LMBR1: variants seen among roughly 807,000 people sequenced by gnomAD.
LMBR1 encodes the protein limb development membrane protein 1.
A neutral mutation model predicts 73.9 loss-of-function variants in LMBR1; 52 were observed. The observed-to-expected ratio is 0.70, with a 90% confidence interval of 0.56 to 0.89. The LOEUF (loss-of-function observed/expected upper bound fraction) is 0.89. Among genes scored for constraint, LMBR1 ranks in the 40% least tolerant of loss-of-function variants. LMBR1 has a pLI of 0.00. For synonymous variants in LMBR1, 215 were observed against 209.4 expected (o/e 1.03, Z -0.23); for missense variants, 539 against 579.8 (o/e 0.93, Z 0.72).
intron 4 of LMBR1, among the ~76,000 whole-genome samples, chr7:156,802,960 G>A (rs895814054): frequency 6.6e-6 from 1 of 152,126 alleles, no homozygotes; most frequent in African/African-American, 2.4e-5. Flanking sequence ...GTAGAAAGCT[G>A]AAACTGGATC....
chr7:156,714,252 T>C (rs1323568272), intron 15 of LMBR1, among the ~76,000 whole-genome samples: 3 of 152,198 alleles, frequency 2.0e-5, no homozygotes, highest in Admixed American at 1.3e-4. Context: ...AGTGACCTGG[T>C]AGATAAACGG....
intron 1 of LMBR1, among the ~76,000 whole-genome samples, chr7:156,843,004 C>T (rs1321544348): frequency 1.3e-5 from 2 of 152,182 alleles, no homozygotes; most frequent in Admixed American, 6.5e-5. Flanking sequence ...TCAAACTTCA[C>T]ACTCATCGAC....
intron 5 of LMBR1, among the ~76,000 whole-genome samples, chr7:156,777,511 C>T (rs966735598): frequency 2.6e-5 from 4 of 152,190 alleles, no homozygotes; most frequent in South Asian, 2.1e-4. Flanking sequence ...CAAATGTCAA[C>T]CTGCATCATA....
chr7:156,704,850 A>C (rs1466679991), intron 15 of LMBR1, among the ~76,000 whole-genome samples: 1 of 151,982 alleles, frequency 6.6e-6, no homozygotes, highest in Admixed American at 6.5e-5. Flanking sequence ...CAATAGAAGA[A>C]AGAATCTCAG....
intron 4 of LMBR1, among the ~76,000 whole-genome samples, chr7:156,824,281 A>T (rs1212919526): frequency 6.6e-6 from 1 of 152,142 alleles, no homozygotes; most frequent in African/African-American, 2.4e-5. Flanking sequence ...TTCTTAATAC[A>T]CAGGGCCACA....
intron 15 of LMBR1, 149 bp downstream of exon 15, chr7:156,723,963 C>A: frequency 1.7e-6 from 1 of 575,754 alleles, no homozygotes; most frequent in Non-Finnish European, 3.0e-6. Flanking sequence ...TGCCCCTATA[C>A]ATAAAGTATA....
At position 156,698,301 on chromosome 7, in the gene LMBR1, C is replaced by T. The variant is rs1005587604; in HGVS notation, c.1226-10110G>A. The stretch of plus-strand genomic sequence containing the variant: ...TTTCCAGGCACACAGTGCAAGCTGT[C>T]AGTGGATCTACCATTTTGAGGTCTG... On this transcript the variant is annotated intron_variant, in intron 15 of 16. Transcript: ENST00000353442. 2.0e-5 allele frequency among the ~76,000 whole-genome samples: 3 copies of T among 152,328 alleles called. No individual in the cohort carries two copies. The East Asian group carries it at 5.8e-4, about 29-fold the overall frequency.
chr7:156,866,831 T>C (rs1337351089), intron 1 of LMBR1, among the ~76,000 whole-genome samples: 3 of 152,294 alleles, frequency 2.0e-5, no homozygotes, highest in Admixed American at 1.3e-4. Context: ...CTGGAACTCC[T>C]GACCTCATGA....
chr7:156,728,761 A>G (rs770126255), intron 10 of LMBR1, 41 bp from the exon 11 acceptor site: 1 of 1,381,258 alleles, frequency 7.2e-7, no homozygotes, highest in Non-Finnish European at 1.0e-6. Flanking sequence ...GTTTTCTCCA[A>G]ATTAACATTT....
rs190460040 is a variant in LMBR1 at position 156,703,118 on chromosome 7, A to G, written c.1226-14927T>C. Among the ~76,000 whole-genome samples, 14 of 152,330 alleles carry G rather than the reference A, an allele frequency of 9.2e-5. No individual in the cohort carries two copies. In the East Asian group the frequency reaches 2.7e-3, roughly 29 times the overall value. On this transcript the variant is annotated intron_variant, in intron 15 of 16. Coordinates refer to ENST00000353442, the MANE Select transcript of LMBR1 (RefSeq NM_022458.4). ...GAATCACATTTAAGGAGCAGCCAGG[A>G]AACCATGAGAAGAAACTGCTCCAGG...
intron 1 of LMBR1, among the ~76,000 whole-genome samples, chr7:156,850,332 A>G (rs1441386523): frequency 6.6e-6 from 1 of 152,114 alleles, no homozygotes; most frequent in Non-Finnish European, 1.5e-5. Context: ...TACACCAAAT[A>G]AATTTCTGTT....
chr7:156,728,512 AGATG>A, intron 11 of LMBR1, 128 bp downstream of exon 11: 1 of 591,760 alleles, frequency 1.7e-6, no homozygotes, highest in Non-Finnish European at 2.9e-6. Flanking sequence ...ATAAAGGCAT[AGATG>A]GATTTTAATC....
intron 12 of LMBR1, 96 bp from the exon 13 acceptor site, chr7:156,725,933 T>G (rs1308082082): frequency 1.1e-6 from 1 of 905,414 alleles, no homozygotes; most frequent in East Asian, 2.6e-5. Context: ...GTTGAAATTA[T>G]GAATGTTTAC....
At chr7:156,840,908 T>C (rs1466826925) in intron 1 of LMBR1, among the ~76,000 whole-genome samples, 1 of 137,554 alleles carries the variant, frequency 7.3e-6, no homozygotes, top group Non-Finnish European at 1.5e-5. Context: ...GAGGTTGCAA[T>C]GAGCCGAGAT....
chr7:156,717,917 A>G (rs1293874204), intron 15 of LMBR1, among the ~76,000 whole-genome samples: 1 of 152,206 alleles, frequency 6.6e-6, no homozygotes, highest in Non-Finnish European at 1.5e-5. Flanking sequence ...AACCAAAGAC[A>G]TTTCTGGAAA....
At chr7:156,671,960 C>T (rs1802650188) in intron 4 of LMBR1, among the ~76,000 whole-genome samples, 1 of 152,050 alleles carries the variant, frequency 6.6e-6, no homozygotes, top group Admixed American at 6.5e-5. Flanking sequence ...AGCAAAAGTA[C>T]ATATCAAAAC....
chr7:156,855,978 G>A (rs761556571), intron 1 of LMBR1, among the ~76,000 whole-genome samples: 4 of 152,142 alleles, frequency 2.6e-5, no homozygotes, highest in Admixed American at 2.0e-4. Flanking sequence ...GGCAGATCAC[G>A]AGGTCAGGAG....
intron 1 of LMBR1, among the ~76,000 whole-genome samples, chr7:156,846,094 C>A (rs1394411590): frequency 3.9e-5 from 6 of 151,942 alleles, no homozygotes; most frequent in Non-Finnish European, 7.4e-5. Context: ...CCTAGAGAGA[C>A]CCCATCTCTG....
chr7:156,801,544 C>T (rs1388239112), intron 4 of LMBR1, among the ~76,000 whole-genome samples: 1 of 152,120 alleles, frequency 6.6e-6, no homozygotes, highest in African/African-American at 2.4e-5. Context: ...ACATAGTAGG[C>T]ATTGTTCTGG....
Sources: allele counts gnomAD v4.1 joint callset (sites outside exome capture counted in the v4.1 genomes callset), GRCh38; gene constraint gnomAD v4.1.1; transcripts MANE v1.5; gene names NCBI Gene and HGNC (gene_info 2026-07-23, HGNC 2026-07-21).